The following VWC2L variants were observed in gnomAD, a reference collection of about 807,000 sequenced individuals.
VWC2L encodes the protein von Willebrand factor C domain-containing protein 2-like.
In VWC2L, 10 loss-of-function variants were observed where a neutral mutation model predicts 21.6. The observed-to-expected ratio is 0.46, with a 90% CI of 0.29 to 0.78. The LOEUF (loss-of-function observed/expected upper bound fraction) is 0.78, where lower values mean the gene tolerates loss of function less well. Ranked by LOEUF, VWC2L falls within the 30% of genes least tolerant of loss-of-function variation. The pLI is 0.10. For missense variants in VWC2L, 209 were observed against 277.1 expected (o/e 0.75, Z 1.74); for synonymous variants, 96 against 94.3 (o/e 1.02, Z -0.10).
chr2:214,559,650 C>T (rs1410327137), intron 3 of VWC2L, among the ~76,000 whole-genome samples: 2 of 151,558 alleles, frequency 1.3e-5, no homozygotes, highest in Non-Finnish European at 2.9e-5. Context: ...TACTCTGTTG[C>T]CCAGGCTGCA....
intron 3 of VWC2L, among the ~76,000 whole-genome samples, chr2:214,453,016 C>A (rs752410717): frequency 7.9e-5 from 12 of 152,150 alleles, no homozygotes; most frequent in Non-Finnish European, 1.3e-4. Context: ...TCCCATCAGT[C>A]TATGGCATGT....
At chr2:214,447,158 G>C (rs78537570) in intron 3 of VWC2L, among the ~76,000 whole-genome samples, 1,919 of 152,246 alleles carry the variant, frequency 0.013, 19 homozygotes, top group Admixed American at 0.02. Flanking sequence ...GTCTGACTGG[G>C]AAGTGAAGGC....
At chr2:214,560,561 A>G (rs987317705) in intron 3 of VWC2L, among the ~76,000 whole-genome samples, 1 of 152,224 alleles carries the variant, frequency 6.6e-6, no homozygotes. Flanking sequence ...TTCAAAGATG[A>G]TACTAAATTA....
At chr2:214,522,561 T>G (rs751312748) in intron 3 of VWC2L, among the ~76,000 whole-genome samples, 41 of 152,048 alleles carry the variant, frequency 2.7e-4, no homozygotes, top group Non-Finnish European at 5.6e-4. Flanking sequence ...AAGTGTGTCA[T>G]GGAGAATGAG....
chr2:214,501,803 C>T (rs1210513545), intron 3 of VWC2L, among the ~76,000 whole-genome samples: 2 of 151,732 alleles, frequency 1.3e-5, no homozygotes, highest in African/African-American at 4.8e-5. Flanking sequence ...CCATTGCTCT[C>T]TTGGGATCTT....
intron 2 of VWC2L, among the ~76,000 whole-genome samples, chr2:214,416,211 C>T (rs1443088385): frequency 1.3e-5 from 2 of 152,016 alleles, no homozygotes; most frequent in African/African-American, 2.4e-5. Flanking sequence ...TATTGTCTAA[C>T]TTAACTCACT....
chr2:214,488,529 G>A (rs1170413167), intron 3 of VWC2L, among the ~76,000 whole-genome samples: 2 of 152,082 alleles, frequency 1.3e-5, no homozygotes, highest in Admixed American at 6.6e-5. Flanking sequence ...AGCCCAGGAG[G>A]TCAAGGCTGC....
chr2:214,473,251 T>G (rs1703336713), intron 3 of VWC2L, among the ~76,000 whole-genome samples: 3 of 152,212 alleles, frequency 2.0e-5, no homozygotes, highest in African/African-American at 7.2e-5. Context: ...ACATACCTAT[T>G]GTGTCAAAAA....
intron 3 of VWC2L, among the ~76,000 whole-genome samples, chr2:214,513,553 G>C (rs1409104546): frequency 6.6e-6 from 1 of 152,062 alleles, no homozygotes; most frequent in Non-Finnish European, 1.5e-5. Context: ...CTGTTCCTTA[G>C]AACTGTGACA....
intron 3 of VWC2L, among the ~76,000 whole-genome samples, chr2:214,537,901 CTTTTTT>C (rs35664504): frequency 2.9e-5 from 4 of 135,650 alleles, no homozygotes; most frequent in Admixed American, 7.4e-5. Flanking sequence ...GGATAGTGGC[CTTTTTT>C]TTTTTTTTTT....
intron 3 of VWC2L, among the ~76,000 whole-genome samples, chr2:214,477,462 G>C (rs953001615): frequency 6.8e-6 from 1 of 147,172 alleles, no homozygotes; most frequent in Non-Finnish European, 1.5e-5. Flanking sequence ...ATTTATAAGA[G>C]TGTCTTTTTT....
At chr2:214,492,790 A>G (rs529476235) in intron 3 of VWC2L, among the ~76,000 whole-genome samples, 7 of 152,270 alleles carry the variant, frequency 4.6e-5, no homozygotes, top group Middle Eastern at 3.4e-3. Flanking sequence ...TTTTGCTGCT[A>G]TAACAAACAA....
intron 3 of VWC2L, among the ~76,000 whole-genome samples, chr2:214,474,950 C>T (rs1293276911): frequency 1.3e-5 from 2 of 152,078 alleles, no homozygotes; most frequent in African/African-American, 4.8e-5. Context: ...GGACAGGAAT[C>T]TTTGGTTCCT....
At chr2:214,568,493 T>G (rs963158583) in intron 3 of VWC2L, among the ~76,000 whole-genome samples, 3 of 152,166 alleles carry the variant, frequency 2.0e-5, no homozygotes, top group Non-Finnish European at 4.4e-5. Context: ...GTTTAATGGA[T>G]TCACAGTTCC....
intron 2 of VWC2L, among the ~76,000 whole-genome samples, chr2:214,421,966 T>C (rs1006730435): frequency 3.6e-5 from 5 of 137,788 alleles, no homozygotes; most frequent in African/African-American, 8.5e-5. Context: ...ATCTCGACTC[T>C]GCAAGCTCCG....
rs150512659 is a variant in VWC2L, at chr2:214,432,917, G to T, written c.391-3712G>T. Among the ~76,000 whole-genome samples, 224 of 151,994 alleles carry T rather than the reference G, an allele frequency of 1.5e-3. 2 individuals carry two copies. In the East Asian group the frequency reaches 0.015, roughly 10 times the overall value. Reference sequence around the variant, plus strand: ...TGCACCTGTAATTCCAGCTATTTGGGAGGCTGAGGCAGGAGAATCACTTAA... The same window carrying T: ...TGCACCTGTAATTCCAGCTATTTGGTAGGCTGAGGCAGGAGAATCACTTAA... On this transcript the variant is annotated intron_variant, in intron 2 of 3. Coordinates refer to ENST00000312504, the MANE Select transcript of VWC2L (RefSeq NM_001080500.4).
At chr2:214,482,659 A>T (rs1035118717) in intron 3 of VWC2L, among the ~76,000 whole-genome samples, 6 of 148,442 alleles carry the variant, frequency 4.0e-5, no homozygotes, top group African/African-American at 1.5e-4. Flanking sequence ...ATATATATAT[A>T]TATATTTTTT....
chr2:214,490,656 C>A (rs1019742338), intron 3 of VWC2L, among the ~76,000 whole-genome samples: 1 of 152,112 alleles, frequency 6.6e-6, no homozygotes, highest in Non-Finnish European at 1.5e-5. Context: ...CCAGCTGAAA[C>A]CCTTGAAAAT....
intron 3 of VWC2L, among the ~76,000 whole-genome samples, chr2:214,453,858 T>A (rs1006059356): frequency 2.6e-5 from 4 of 151,812 alleles, no homozygotes; most frequent in African/African-American, 9.7e-5. Flanking sequence ...GTAGCTAAGA[T>A]TACAGGCGTG....
Sources: allele counts gnomAD v4.1 joint callset (sites outside exome capture counted in the v4.1 genomes callset), GRCh38; gene constraint gnomAD v4.1.1; transcripts MANE v1.5; gene names NCBI Gene and HGNC (gene_info 2026-07-23, HGNC 2026-07-21).